TPD52: variants seen among roughly 807,000 people sequenced by gnomAD.
TPD52 encodes tumor protein D52, also known as prostate and colon associated protein.
A neutral mutation model predicts 31.3 loss-of-function variants in TPD52; 17 were observed. The observed-to-expected ratio is 0.54, with a 90% CI of 0.37 to 0.82. The LOEUF (loss-of-function observed/expected upper bound fraction) is 0.82, where lower values mean the gene tolerates loss of function less well. TPD52 is among the 40% of genes least tolerant of loss of function. TPD52 has a pLI of 0.00. For missense variants in TPD52, 212 were observed against 240.1 expected, an observed-to-expected ratio of 0.88 and a Z score of 0.77; for synonymous variants, 83 against 89.6, an observed-to-expected ratio of 0.93 and a Z score of 0.42.
At position 80,171,469 on chromosome 8, in the gene TPD52, T is replaced by C; in HGVS notation, c.-26A>G. 1 of 1,571,132 alleles carries C rather than the reference T, an allele frequency of 6.4e-7. No homozygotes were observed. Among genetic ancestry groups the C allele is most frequent in the Non-Finnish European group, 8.5e-7 (1 of 1,169,692 alleles). Reference sequence around the variant, plus strand: ...GTCTCCAGCCCGCCGCCTCGTGTCCTCTGCAGCACCCCCGCCTGCAGCCCG... The same window carrying C: ...GTCTCCAGCCCGCCGCCTCGTGTCCCCTGCAGCACCCCCGCCTGCAGCCCG... On this transcript the variant is annotated 5_prime_UTR_variant, in exon 1 of 8. Coordinates refer to ENST00000518937, the MANE Select transcript of TPD52 (RefSeq NM_001025253.3).
At chr8:80,046,325 G>A (rs929766085) in intron 5 of TPD52, among the ~76,000 whole-genome samples, 1 of 152,112 alleles carries the variant, frequency 6.6e-6, no homozygotes, top group Admixed American at 6.5e-5. Flanking sequence ...CTGCTTTTAT[G>A]GTAGCTATTT....
intron 1 of TPD52, among the ~76,000 whole-genome samples, chr8:80,169,959 C>T (rs1019113592): frequency 1.3e-4 from 19 of 151,976 alleles, no homozygotes; most frequent in African/African-American, 4.4e-4. Context: ...TGTATATATA[C>T]GTTATACAGG....
At chr8:80,116,745 CATA>C (rs1304287392) in intron 1 of TPD52, among the ~76,000 whole-genome samples, 1 of 149,094 alleles carries the variant, frequency 6.7e-6, no homozygotes, top group Non-Finnish European at 1.5e-5. Context: ...AAGTCCTCAG[CATA>C]ATACTAGCAA....
intron 1 of TPD52, among the ~76,000 whole-genome samples, chr8:80,127,223 G>A (rs1036259877): frequency 3.3e-5 from 5 of 152,128 alleles, no homozygotes; most frequent in African/African-American, 1.2e-4. Context: ...AACTATAAAT[G>A]TAAAGAATCT....
At chr8:80,165,010 C>T (rs1036816268) in intron 1 of TPD52, among the ~76,000 whole-genome samples, 1 of 144,470 alleles carries the variant, frequency 6.9e-6, no homozygotes, top group African/African-American at 2.6e-5. Context: ...AAATTAACAA[C>T]TCATCTCATA....
chr8:80,112,814 T>C (rs1455449241), intron 1 of TPD52, among the ~76,000 whole-genome samples: 3 of 152,194 alleles, frequency 2.0e-5, no homozygotes, highest in African/African-American at 7.2e-5. Flanking sequence ...AACTACAGGT[T>C]GAATATCCCT....
chr8:80,069,161 T>G (rs1474637478), intron 1 of TPD52, among the ~76,000 whole-genome samples: 1 of 152,190 alleles, frequency 6.6e-6, no homozygotes, highest in African/African-American at 2.4e-5. Flanking sequence ...AAAAAAGAAC[T>G]TCAATAAATG....
At chr8:80,169,141 C>T (rs540367144) in intron 1 of TPD52, among the ~76,000 whole-genome samples, 2 of 152,144 alleles carry the variant, frequency 1.3e-5, no homozygotes, top group African/African-American at 2.4e-5. Flanking sequence ...GGTGCCACCG[C>T]GCCGAGCTAA....
At chr8:80,093,599 A>G (rs1816457084) in intron 1 of TPD52, among the ~76,000 whole-genome samples, 1 of 152,348 alleles carries the variant, frequency 6.6e-6, no homozygotes, top group South Asian at 2.1e-4. Context: ...CAGCAAGCTG[A>G]GACCTAACAA....
intron 1 of TPD52, among the ~76,000 whole-genome samples, chr8:80,142,679 G>A (rs1809918018): frequency 6.6e-6 from 1 of 152,146 alleles, no homozygotes. Flanking sequence ...TCCACCCTGG[G>A]CAACGGAGTG....
At chr8:80,090,023 G>A (rs1054631529) in intron 1 of TPD52, among the ~76,000 whole-genome samples, 6 of 152,180 alleles carry the variant, frequency 3.9e-5, no homozygotes, top group African/African-American at 1.2e-4. Flanking sequence ...TGAGAGTGAT[G>A]GTAGATGTCA....
intron 1 of TPD52, among the ~76,000 whole-genome samples, chr8:80,096,291 A>AACACACATACACACAC (rs1816732963): frequency 2.7e-5 from 4 of 146,814 alleles, no homozygotes; most frequent in African/African-American, 1.0e-4. Context: ...CACACACACA[A>AACACACATACACACAC]ACACACACAC....
intron 1 of TPD52, among the ~76,000 whole-genome samples, chr8:80,170,032 T>A (rs1273796299): frequency 1.3e-5 from 2 of 152,224 alleles, no homozygotes; most frequent in Non-Finnish European, 2.9e-5. Context: ...GTAATGTTTG[T>A]AAGCACTTGT....
intron 1 of TPD52, among the ~76,000 whole-genome samples, chr8:80,075,483 G>A (rs1272502219): frequency 6.6e-6 from 1 of 152,154 alleles, no homozygotes; most frequent in Admixed American, 6.5e-5. Flanking sequence ...AGAAAGAGTG[G>A]ACAAAGAAGA....
intron 2 of TPD52, among the ~76,000 whole-genome samples, chr8:80,060,913 G>T (rs1376496031): frequency 6.6e-6 from 1 of 152,044 alleles, no homozygotes; most frequent in Non-Finnish European, 1.5e-5. Flanking sequence ...AAAAGACAGG[G>T]ATACCCATTT....
At chr8:80,052,645 T>C (rs919443974) in intron 3 of TPD52, 1 of 1,289,122 alleles carries the variant, frequency 7.8e-7, no homozygotes, top group East Asian at 5.6e-5. Flanking sequence ...GACAGAGCAG[T>C]TCGGTTTCTG....
At chr8:80,090,192 G>C (rs1417642775) in intron 1 of TPD52, among the ~76,000 whole-genome samples, 1 of 152,086 alleles carries the variant, frequency 6.6e-6, no homozygotes, top group Non-Finnish European at 1.5e-5. Flanking sequence ...TGGAGTTCAA[G>C]GCCAGCATGG....
intron 1 of TPD52, among the ~76,000 whole-genome samples, chr8:80,142,067 A>G (rs921828586): frequency 2.0e-5 from 3 of 152,194 alleles, no homozygotes; most frequent in African/African-American, 7.2e-5. Flanking sequence ...AGATCCAAGG[A>G]AAGTGGCTTG....
chr8:80,109,151 G>C (rs1471438823), intron 1 of TPD52, among the ~76,000 whole-genome samples: 4 of 152,070 alleles, frequency 2.6e-5, no homozygotes, highest in Non-Finnish European at 4.4e-5. Flanking sequence ...AAGATATTTG[G>C]GGGACCTTAC....
Sources: gnomAD v4.1 joint callset for allele counts (sites outside exome capture counted in the v4.1 genomes callset) on GRCh38, gnomAD v4.1.1 for gene constraint, MANE v1.5 for transcripts, NCBI Gene and HGNC (gene_info 2026-07-23, HGNC 2026-07-21) for gene names.